Variants in DOK5 observed in about 807,000 individuals in gnomAD.
The protein encoded by DOK5 is downstream of tyrosine kinase 5.
In DOK5, 27 loss-of-function variants were observed where a neutral mutation model predicts 43.3. That is an observed-to-expected ratio of 0.62 (90% confidence interval 0.46 to 0.86). DOK5 has a LOEUF of 0.86. Among genes scored for constraint, DOK5 ranks in the 40% least tolerant of loss-of-function variants. DOK5 has a pLI of 0.00. For synonymous variants in DOK5, 146 were observed against 140.1 expected (o/e 1.04, Z -0.30); for missense variants, 373 against 392.9 (o/e 0.95, Z 0.43).
intron 1 of DOK5, among the ~76,000 whole-genome samples, chr20:54,518,157 G>A (rs1474113656): frequency 1.3e-5 from 2 of 151,888 alleles, no homozygotes; most frequent in Admixed American, 1.3e-4. Context: ...AAGTTTTAGG[G>A]TACATGTGCA....
At chr20:54,502,713 T>C (rs1485953062) in intron 1 of DOK5, among the ~76,000 whole-genome samples, 1 of 152,202 alleles carries the variant, frequency 6.6e-6, no homozygotes, top group Non-Finnish European at 1.5e-5. Context: ...AACTACCTTG[T>C]GTCACTTAAT....
chr20:54,571,284 C>T (rs538927137), intron 2 of DOK5, among the ~76,000 whole-genome samples: 1 of 152,186 alleles, frequency 6.6e-6, no homozygotes, highest in South Asian at 2.1e-4. Context: ...GTCTGCCTCG[C>T]TCTCAGGACC....
intron 1 of DOK5, among the ~76,000 whole-genome samples, chr20:54,531,470 A>G (rs938429243): frequency 6.6e-6 from 1 of 152,208 alleles, no homozygotes; most frequent in Non-Finnish European, 1.5e-5. Context: ...TTTTATAACA[A>G]ATCAGAGTAA....
At chr20:54,564,239 C>T (rs965417344) in intron 2 of DOK5, among the ~76,000 whole-genome samples, 43 of 152,106 alleles carry the variant, frequency 2.8e-4, no homozygotes, top group African/African-American at 7.7e-4. Context: ...CTGGCTAACA[C>T]GGTGAAACCC....
At chr20:54,581,101 C>G (rs2146758635) in intron 2 of DOK5, among the ~76,000 whole-genome samples, 1 of 152,112 alleles carries the variant, frequency 6.6e-6, no homozygotes, top group South Asian at 2.1e-4. Context: ...TATGGATATA[C>G]AGATTTTGTA....
chr20:54,512,804 G>A (rs1308050488), intron 1 of DOK5, among the ~76,000 whole-genome samples: 6 of 152,118 alleles, frequency 3.9e-5, no homozygotes, highest in South Asian at 2.1e-4. Flanking sequence ...ACCAGAGCAC[G>A]TGGCAGCTGG....
chr20:54,602,559 C>T (rs926216451), intron 5 of DOK5, among the ~76,000 whole-genome samples: 4 of 152,064 alleles, frequency 2.6e-5, no homozygotes, highest in African/African-American at 4.8e-5. Flanking sequence ...AGTTGGATGC[C>T]GCATGCCTGA....
At chr20:54,640,676 A>C (rs1979071184) in intron 6 of DOK5, among the ~76,000 whole-genome samples, 2 of 152,234 alleles carry the variant, frequency 1.3e-5, no homozygotes, top group Admixed American at 1.3e-4. Context: ...CAGCTTTCTG[A>C]AAATACAGTC....
intron 1 of DOK5, among the ~76,000 whole-genome samples, chr20:54,533,735 C>G (rs527819586): frequency 2.6e-5 from 4 of 152,080 alleles, no homozygotes; most frequent in Non-Finnish European, 5.9e-5. Context: ...AGAGCTTAAG[C>G]TGAACCTCTC....
chr20:54,505,398 C>T (rs1982766650), intron 1 of DOK5, among the ~76,000 whole-genome samples: 1 of 152,002 alleles, frequency 6.6e-6, no homozygotes, highest in Non-Finnish European at 1.5e-5. Flanking sequence ...AAGGTATTTA[C>T]TGAAAAAGTT....
At chr20:54,640,349 AT>A (rs1433436442) in intron 6 of DOK5, among the ~76,000 whole-genome samples, 7 of 152,226 alleles carry the variant, frequency 4.6e-5, no homozygotes, top group Non-Finnish European at 2.9e-5. Flanking sequence ...AGGGCGGTAC[AT>A]CAGTGCCACT....
chr20:54,561,806 G>A (rs769398479), intron 2 of DOK5, among the ~76,000 whole-genome samples: 4 of 152,110 alleles, frequency 2.6e-5, no homozygotes, highest in Admixed American at 6.5e-5. Context: ...ATAGGCATGC[G>A]CCACCAAGTC....
At chr20:54,626,355 G>C (rs995895179) in intron 6 of DOK5, among the ~76,000 whole-genome samples, 8 of 152,130 alleles carry the variant, frequency 5.3e-5, no homozygotes, top group African/African-American at 1.7e-4. Context: ...GGAATGAGTG[G>C]CTCCATCTGG....
intron 1 of DOK5, among the ~76,000 whole-genome samples, chr20:54,515,754 T>G (rs530132743): frequency 2.0e-5 from 3 of 152,346 alleles, no homozygotes; most frequent in African/African-American, 7.2e-5. Flanking sequence ...AAAAGTGGCA[T>G]AGTCCAACTA....
chr20:54,640,815 A>G (rs1234865619), intron 6 of DOK5, among the ~76,000 whole-genome samples: 2 of 152,250 alleles, frequency 1.3e-5, no homozygotes, highest in East Asian at 3.8e-4. Flanking sequence ...TTATATCAAG[A>G]AAATCAAATA....
chr20:54,508,234 T>C (rs1285376423), intron 1 of DOK5, among the ~76,000 whole-genome samples: 1 of 152,128 alleles, frequency 6.6e-6, no homozygotes, highest in Non-Finnish European at 1.5e-5. Flanking sequence ...TTATTTCCTA[T>C]ACATGTGCAC....
intron 1 of DOK5, among the ~76,000 whole-genome samples, chr20:54,518,988 T>C (rs928434241): frequency 6.6e-6 from 1 of 152,076 alleles, no homozygotes; most frequent in African/African-American, 2.4e-5. Context: ...GAGATGCAAA[T>C]CAAAACCACA....
intron 1 of DOK5, among the ~76,000 whole-genome samples, chr20:54,478,351 A>ATC (rs1981520820): frequency 6.6e-6 from 1 of 152,216 alleles, no homozygotes; most frequent in South Asian, 2.1e-4. Context: ...AGCGGTATTA[A>ATC]TCTAGGCTAC....
intron 1 of DOK5, among the ~76,000 whole-genome samples, chr20:54,489,131 G>T (rs539972065): frequency 6.6e-6 from 1 of 152,264 alleles, no homozygotes; most frequent in South Asian, 2.1e-4. Context: ...TCTCATAGTT[G>T]TTTATATATA....
Sources: allele counts gnomAD v4.1 joint callset (sites outside exome capture counted in the v4.1 genomes callset), GRCh38; gene constraint gnomAD v4.1.1; transcripts MANE v1.5; gene names NCBI Gene and HGNC (gene_info 2026-07-23, HGNC 2026-07-21).